Variants in PTK2B observed in about 807,000 individuals in gnomAD.
PTK2B encodes the protein protein tyrosine kinase 2 beta.
A neutral mutation model predicts 142.9 loss-of-function variants in PTK2B; 71 were observed. The ratio of observed to expected loss-of-function variants is 0.50; its 90% confidence interval spans 0.41 to 0.61. The LOEUF (loss-of-function observed/expected upper bound fraction) is 0.61, where lower values mean the gene tolerates loss of function less well. PTK2B is among the 20% of genes least tolerant of loss of function. The pLI is 0.00. For synonymous variants in PTK2B, 519 were observed against 503.4 expected (o/e 1.03, Z -0.42); for missense variants, 1,105 against 1,320.4 (o/e 0.84, Z 2.53).
chr8:27,439,200 G>A, intron 19 of PTK2B, 69 bp downstream of exon 19: 1 of 1,568,670 alleles, frequency 6.4e-7, no homozygotes, highest in Non-Finnish European at 8.8e-7. Context: ...CCAGAAGAAG[G>A]AAGTCTACAG....
chr8:27,427,858 C>G (rs1013434257), intron 5 of PTK2B, among the ~76,000 whole-genome samples: 1 of 152,176 alleles, frequency 6.6e-6, no homozygotes, highest in Non-Finnish European at 1.5e-5. Flanking sequence ...AGGCCCCCAA[C>G]CTTTTGGGCA....
intron 5 of PTK2B, among the ~76,000 whole-genome samples, chr8:27,423,500 C>G (rs555839315): frequency 1.3e-5 from 2 of 152,080 alleles, no homozygotes; most frequent in Non-Finnish European, 2.9e-5. Flanking sequence ...TTTTGACCAG[C>G]CCCCCAGGTG....
At chr8:27,335,368 A>C (rs1209290506) in intron 1 of PTK2B, among the ~76,000 whole-genome samples, 1 of 152,178 alleles carries the variant, frequency 6.6e-6, no homozygotes, top group South Asian at 2.1e-4. Context: ...CAAGGCGGGC[A>C]GATCACCTGA....
At chr8:27,330,149 AC>A (rs1383605056) in intron 1 of PTK2B, among the ~76,000 whole-genome samples, 1 of 152,136 alleles carries the variant, frequency 6.6e-6, no homozygotes, top group Non-Finnish European at 1.5e-5. Context: ...ACCCAGATGC[AC>A]CCGCTTAATA....
At chr8:27,396,833 A>G (rs908132969) in intron 1 of PTK2B, among the ~76,000 whole-genome samples, 4 of 152,186 alleles carry the variant, frequency 2.6e-5, no homozygotes, top group African/African-American at 7.2e-5. Flanking sequence ...TGGGTTTTCT[A>G]GAGTCCCAGC....
At chr8:27,314,138 A>T (rs2130449328) in intron 3 of PTK2B, among the ~76,000 whole-genome samples, 1 of 152,362 alleles carries the variant, frequency 6.6e-6, no homozygotes, top group South Asian at 2.1e-4. Context: ...CACTCAGTTT[A>T]TTAACATTAG....
chr8:27,382,822 A>G (rs1229528385), intron 1 of PTK2B, among the ~76,000 whole-genome samples: 3 of 152,028 alleles, frequency 2.0e-5, no homozygotes, highest in South Asian at 4.1e-4. Context: ...CTTTTTCCCA[A>G]TGTATGTTCT....
chr8:27,443,073 A>T (rs761017520), intron 22 of PTK2B, 90 bp downstream of exon 22: 2 of 805,386 alleles, frequency 2.5e-6, no homozygotes, highest in African/African-American at 3.4e-5. Context: ...CACAGGCAGG[A>T]TGCCCCCTAC....
At chr8:27,398,644 A>G (rs1213873025) in intron 2 of PTK2B, among the ~76,000 whole-genome samples, 1 of 152,176 alleles carries the variant, frequency 6.6e-6, no homozygotes, top group African/African-American at 2.4e-5. Flanking sequence ...ATTGGTTCTC[A>G]GGTTGCTTAG....
chr8:27,458,148 C>G, intron 30 of PTK2B, 146 bp from the exon 31 acceptor site: 1 of 748,198 alleles, frequency 1.3e-6, no homozygotes, highest in Admixed American at 2.5e-5. Flanking sequence ...CGGGGTGTTG[C>G]ATTCAGCCCT....
At chr8:27,445,650 T>G in intron 23 of PTK2B, 144 bp from the exon 24 acceptor site, 2 of 1,193,556 alleles carry the variant, frequency 1.7e-6, no homozygotes, top group Non-Finnish European at 1.2e-6. Context: ...AGGCCCACGT[T>G]TTGTTCTTTA....
chr8:27,348,968 A>G (rs1804881517), intron 1 of PTK2B, among the ~76,000 whole-genome samples: 1 of 151,836 alleles, frequency 6.6e-6, no homozygotes, highest in Non-Finnish European at 1.5e-5. Flanking sequence ...TCCTCCCAGT[A>G]CCCATGCCTC....
chr8:27,384,646 T>C (rs1807229666), intron 1 of PTK2B, among the ~76,000 whole-genome samples: 1 of 152,250 alleles, frequency 6.6e-6, no homozygotes, highest in African/African-American at 2.4e-5. Context: ...ATCAACTTGC[T>C]ATACAGCTCA....
At position 27,454,354 on chromosome 8, in the gene PTK2B, A is replaced by G. The variant is rs531451605; in HGVS notation, c.2733+63A>G. On this transcript the variant is annotated intron_variant, in intron 29 of 30. Coordinates refer to ENST00000346049, the MANE Select transcript of PTK2B (RefSeq NM_173176.3). ...CAAGTCCGCCCTGGAAGGAAAGGGG[A>G]CTGCGCTTCCTGTTGGCTGGCCCAG... 5.4e-5 allele frequency: 85 copies of G among 1,583,522 alleles called. No individual in the cohort carries two copies. The Middle Eastern group carries it at 1.1e-3, about 21-fold the overall frequency.
At position 27,458,530 on chromosome 8, in the gene PTK2B, C is replaced by T; in HGVS notation, c.*21C>T. 1 of 1,549,254 alleles carries T rather than the reference C, an allele frequency of 6.5e-7. No homozygotes were observed. Among genetic ancestry groups the T allele is most frequent in the East Asian group, 2.4e-5 (1 of 41,104 alleles). On this transcript the variant is annotated 3_prime_UTR_variant, in exon 31 of 31. Transcript: ENST00000346049. ...AGTGACGGAGGGTGGGGGCCACCTG[C>T]CTGCGTCTTCCGCCCCTGCCTGCCA...
rs1337362994 is a variant in PTK2B, at chr8:27,431,508, GC to G, written c.885+37del. ...CCGGGGCAGCCCCACCCAGCCCCAG[GC>G]GGGGAGGTCGTCCCCTCTCTGCTGC... On this transcript the variant is annotated intron_variant, in intron 9 of 30. Coordinates refer to ENST00000346049, the MANE Select transcript of PTK2B (RefSeq NM_173176.3). The G allele has an allele frequency of 1.9e-6, 3 of 1,612,250 alleles. No homozygotes were observed. In the African/African-American group the frequency reaches 4.0e-5, roughly 22 times the overall value.
At chr8:27,405,034 TCCTCTCTCTCTCTC>T (rs1808619978) in intron 2 of PTK2B, among the ~76,000 whole-genome samples, 1 of 48,614 alleles carries the variant, frequency 2.1e-5, no homozygotes, top group Admixed American at 1.6e-4. Flanking sequence ...CTCTTTCTCT[TCCTCTCTCTCTCTC>T]TCTCTCTCTC....
chr8:27,315,769 A>G (rs1321367506), intron 3 of PTK2B, among the ~76,000 whole-genome samples: 26 of 152,238 alleles, frequency 1.7e-4, no homozygotes, highest in Admixed American at 1.7e-3. Flanking sequence ...AAATCCAGAA[A>G]GGACTTAGTT....
intron 28 of PTK2B, among the ~76,000 whole-genome samples, 174 bp downstream of exon 28, chr8:27,453,334 A>G (rs1342529087): frequency 6.6e-6 from 1 of 152,212 alleles, no homozygotes; most frequent in Non-Finnish European, 1.5e-5. Flanking sequence ...CTAAGGCCAC[A>G]CAGCTAATTC....
Sources: gnomAD v4.1 joint callset for allele counts (sites outside exome capture counted in the v4.1 genomes callset) on GRCh38, gnomAD v4.1.1 for gene constraint, MANE v1.5 for transcripts, NCBI Gene and HGNC (gene_info 2026-07-23, HGNC 2026-07-21) for gene names.